BTBD16: variants seen among roughly 807,000 people sequenced by gnomAD.
BTBD16 encodes the protein BTB/POZ domain-containing protein 16.
In BTBD16, 66 loss-of-function variants were observed where a neutral mutation model predicts 67.4. The observed-to-expected ratio is 0.98, with a 90% confidence interval of 0.80 to 1.20. BTBD16 has a LOEUF of 1.20. Among genes scored for constraint, BTBD16 ranks in the 50% most tolerant of loss-of-function variants. The pLI, the probability that BTBD16 is intolerant of heterozygous loss-of-function variation, is 0.00. For synonymous variants in BTBD16, 242 were observed against 236.4 expected, an observed-to-expected ratio of 1.02 and a Z score of -0.22; for missense variants, 634 against 616.0, an observed-to-expected ratio of 1.03 and a Z score of -0.31.
chr10:122,291,457 C>G (rs900178166), intron 7 of BTBD16: 3 of 376,848 alleles, frequency 8.0e-6, no homozygotes, highest in Admixed American at 9.2e-5. Flanking sequence ...ATTTCTACCA[C>G]TGGGAGAGAC....
At chr10:122,327,122 C>T (rs750609626) in intron 10 of BTBD16, among the ~76,000 whole-genome samples, 5 of 152,170 alleles carry the variant, frequency 3.3e-5, no homozygotes, top group Admixed American at 1.3e-4. Context: ...GGCTCTAAGA[C>T]AGTGGACCTT....
intron 10 of BTBD16, among the ~76,000 whole-genome samples, chr10:122,317,860 G>A (rs2096428680): frequency 6.6e-6 from 1 of 152,042 alleles, no homozygotes; most frequent in African/African-American, 2.4e-5. Flanking sequence ...ACCTCCTGAA[G>A]GTCCTGCTTG....
chr10:122,328,097 C>T (rs1221723464), intron 10 of BTBD16, among the ~76,000 whole-genome samples: 1 of 152,180 alleles, frequency 6.6e-6, no homozygotes, highest in Non-Finnish European at 1.5e-5. Context: ...ATGATGACGC[C>T]TCAGCTGTTC....
At chr10:122,274,502 G>A (rs895817246) in intron 1 of BTBD16, among the ~76,000 whole-genome samples, 29 of 149,558 alleles carry the variant, frequency 1.9e-4, no homozygotes, top group Non-Finnish European at 1.2e-4. Context: ...TAACCTCCCC[G>A]CAACCCCATA....
In BTBD16 at chr10:122,338,070, C is replaced by T. The variant is rs1347072546; in HGVS notation, c.1506C>T (p.Ile502=). Residue 502 remains isoleucine (I), a synonymous_variant, in exon 16 of 16, where the codon ATC becomes ATT. Transcript: ENST00000260723. The part of the protein sequence containing the change: ...GIPIYVSFAF[I]FPAS ...CAATCTATGTAAGTTTTGCATTCATCTTCCCAGCATCTTGACAGTTTCCAG... is the reference window on the plus strand; with the variant it reads ...CAATCTATGTAAGTTTTGCATTCATTTTCCCAGCATCTTGACAGTTTCCAG... 4.4e-6 allele frequency: 7 copies of T among 1,606,758 alleles called. No homozygotes were observed. The highest frequency in any genetic ancestry group is 1.3e-5 in the African/African-American group (1 of 74,860).
intron 9 of BTBD16, among the ~76,000 whole-genome samples, chr10:122,302,786 T>C (rs1241749623): frequency 6.6e-6 from 1 of 152,234 alleles, no homozygotes; most frequent in Non-Finnish European, 1.5e-5. Context: ...TTACCCAGAC[T>C]GATTCCTATA....
rs543016888 is a variant in BTBD16, at chr10:122,279,680, C to G, written c.167+2741C>G. On this transcript the variant is annotated intron_variant, in intron 3 of 15. Coordinates refer to ENST00000260723, the MANE Select transcript of BTBD16 (RefSeq NM_144587.5). ...GTGAACCTTCAGGCATCAGGCAACT[C>G]TCAGGTGGCAAACTCCACTGTCAGT... Among the ~76,000 whole-genome samples, 4 of 152,278 alleles carry G rather than the reference C, an allele frequency of 2.6e-5. No individual in the cohort carries two copies. The South Asian group carries it at 8.3e-4, about 32-fold the overall frequency.
At chr10:122,277,685 C>T (rs75535593) in intron 3 of BTBD16, among the ~76,000 whole-genome samples, 3,040 of 152,062 alleles carry the variant, frequency 0.02, 44 homozygotes, top group Non-Finnish European at 0.035. Flanking sequence ...TGTTGACAAC[C>T]GGCTCTTGTG....
intron 5 of BTBD16, 144 bp from the exon 6 acceptor site, chr10:122,289,765 A>G: frequency 2.0e-6 from 1 of 503,212 alleles, no homozygotes; most frequent in Middle Eastern, 3.3e-4. Flanking sequence ...TAATTAATTA[A>G]TTAATTACAT....
chr10:122,290,049 T>C, intron 6 of BTBD16, 51 bp downstream of exon 6: 3 of 1,272,904 alleles, frequency 2.4e-6, no homozygotes, highest in Non-Finnish European at 3.4e-6. Flanking sequence ...CAAATGGTCC[T>C]CCCAGATTTA....
intron 1 of BTBD16, among the ~76,000 whole-genome samples, 167 bp downstream of exon 1, chr10:122,271,681 C>T (rs766142177): frequency 6.6e-6 from 1 of 152,100 alleles, no homozygotes; most frequent in African/African-American, 2.4e-5. Context: ...AGCTGAGAGA[C>T]CATTGTAGGT....
At chr10:122,332,941 TA>T in intron 13 of BTBD16, 1 of 985,368 alleles carries the variant, frequency 1.0e-6, no homozygotes, top group Non-Finnish European at 1.2e-6. Context: ...TCTGGGCAGC[TA>T]TTTTGATGGA....
Position 122,336,663 on chromosome 10 carries a change from C to T in BTBD16, c.1433C>T (p.Thr478Met), listed in dbSNP as rs375801884. 110 of 1,585,948 alleles carry T rather than the reference C, an allele frequency of 6.9e-5. No homozygotes were observed. In the Middle Eastern group the frequency reaches 8.4e-4, roughly 12 times the overall value. ...ATCAAGCAGAAGTTTGGGTTGACCA[C>T]GTCATCCTGCAAAAGCCATGCAAGT... is the stretch of plus-strand genomic sequence containing the variant. ...NQIKQKFGLTTSSCKSHTLKI... is the reference protein window; with the variant it reads ...NQIKQKFGLTMSSCKSHTLKI... The change falls in exon 15 of 16, where the codon ACG becomes ATG. Residue 478 changes from threonine to methionine, a missense_variant. Physicochemically the swap from Thr to Met is moderately conservative, Grantham distance 81 (BLOSUM62 -1). Coordinates refer to ENST00000260723, the MANE Select transcript of BTBD16 (RefSeq NM_144587.5).
chr10:122,315,188 G>A (rs1292927750), intron 10 of BTBD16, among the ~76,000 whole-genome samples: 1 of 152,118 alleles, frequency 6.6e-6, no homozygotes, highest in Non-Finnish European at 1.5e-5. Flanking sequence ...ATTTTTCAAA[G>A]CAATAAACTT....
chr10:122,277,047 A>G, intron 3 of BTBD16, 108 bp downstream of exon 3: 1 of 1,314,800 alleles, frequency 7.6e-7, no homozygotes, highest in Non-Finnish European at 1.0e-6. Context: ...TCAAGGGCAC[A>G]TCTGCAAGGA....
At chr10:122,295,422 T>G in intron 7 of BTBD16, 1 of 985,362 alleles carries the variant, frequency 1.0e-6, no homozygotes, top group Non-Finnish European at 1.2e-6. Context: ...TGCAGGATCT[T>G]GTAGCCACAT....
intron 5 of BTBD16, among the ~76,000 whole-genome samples, chr10:122,287,685 T>C (rs2096366475): frequency 1.3e-5 from 2 of 152,242 alleles, no homozygotes; most frequent in South Asian, 4.1e-4. Context: ...ATCACTTTCA[T>C]GTTCTCAATA....
intron 7 of BTBD16, chr10:122,295,562 C>A: frequency 1.0e-6 from 1 of 981,262 alleles, no homozygotes; most frequent in Non-Finnish European, 1.2e-6. Flanking sequence ...GGCTGCAGGG[C>A]AGGGAGGCTG....
chr10:122,337,810 C>T (rs2096465635), intron 15 of BTBD16, among the ~76,000 whole-genome samples: 1 of 152,198 alleles, frequency 6.6e-6, no homozygotes, highest in African/African-American at 2.4e-5. Context: ...AAGCTGTCCT[C>T]TTCAGATTTG....
Sources: allele counts gnomAD v4.1 joint callset (sites outside exome capture counted in the v4.1 genomes callset), GRCh38; gene constraint gnomAD v4.1.1; transcripts MANE v1.5; gene names NCBI Gene and HGNC (gene_info 2026-07-23, HGNC 2026-07-21).